The following NANP variants were observed in gnomAD, a reference collection of about 807,000 sequenced individuals.
The protein encoded by NANP is N-acetylneuraminic acid phosphatase.
Under a neutral mutation model 16.9 loss-of-function variants are expected in NANP, and 15 were observed. That is an observed-to-expected ratio of 0.89 (90% CI 0.59 to 1.37). The LOEUF (loss-of-function observed/expected upper bound fraction) is 1.37. NANP is among the 40% of genes most tolerant of loss of function. NANP has a pLI of 0.00. For synonymous variants in NANP, 135 were observed against 112.6 expected, an observed-to-expected ratio of 1.20 and a Z score of -1.26; for missense variants, 290 against 303.5, an observed-to-expected ratio of 0.96 and a Z score of 0.33.
chr20:25,623,509 G>A (rs1395728279), intron 1 of NANP, among the ~76,000 whole-genome samples: 1 of 152,216 alleles, frequency 6.6e-6, no homozygotes, highest in Non-Finnish European at 1.5e-5. Flanking sequence ...GACCGGGGGC[G>A]GGACCAGCGC....
In NANP at chr20:25,613,661, C is replaced by T; in HGVS notation, c.*2264G>A. The T allele has an allele frequency of 5.0e-6, 2 of 396,960 alleles. No individual in the cohort carries two copies. The highest frequency in any genetic ancestry group is 8.9e-6 in the Non-Finnish European group (2 of 225,570). 24.6% of individuals were successfully genotyped at this position (396,960 alleles called of 1,614,324 possible). A position where few individuals can be genotyped will look rare whatever the true frequency, so the allele number is the denominator to read the frequency against. ...AGGTAGATAACCACAAAGTTCTTCC[C>T]TAAGGAAGGGTGCAAATGGAATGTA... On this transcript the variant is annotated 3_prime_UTR_variant, in exon 2 of 2. Coordinates refer to ENST00000304788, the MANE Select transcript of NANP (RefSeq NM_152667.3).
intron 1 of NANP, among the ~76,000 whole-genome samples, chr20:25,620,419 C>T (rs1184590717): frequency 6.6e-6 from 1 of 152,180 alleles, no homozygotes; most frequent in Non-Finnish European, 1.5e-5. Flanking sequence ...TATTTTAAGG[C>T]TCTCTCTGAA....
In NANP at chr20:25,622,579, A is replaced by G. The variant is rs1469672620; in HGVS notation, c.90+1280T>C. On this transcript the variant is annotated intron_variant, in intron 1 of 1. Transcript: ENST00000304788. ...AGGACTCAGCTTACTAATAACACAC[A>G]GGTAAATATGTAACATCTGCAGCGA... is the stretch of plus-strand genomic sequence containing the variant. Among the ~76,000 whole-genome samples the G allele has an allele frequency of 6.6e-5, 10 of 152,216 alleles. No individual in the cohort carries two copies. In the East Asian group the frequency reaches 1.9e-3, roughly 29 times the overall value.
At chr20:25,619,134 T>G (rs573923656) in intron 1 of NANP, among the ~76,000 whole-genome samples, 4,450 of 151,272 alleles carry the variant, frequency 0.029, 86 homozygotes, top group South Asian at 0.058. Flanking sequence ...TTTTTTTTTT[T>G]TTTTTCCCCA....
At chr20:25,622,385 A>G (rs1249151793) in intron 1 of NANP, among the ~76,000 whole-genome samples, 3 of 152,240 alleles carry the variant, frequency 2.0e-5, no homozygotes, top group Admixed American at 6.5e-5. Flanking sequence ...GAGGACTAAT[A>G]TAATTCACAT....
rs1447164526 is a variant in NANP, at chr20:25,616,566, G to T, written c.106C>A (p.Gln36Lys). ...TCTTCTTTATAATGGTATTTTGATT[G>T]TAAGAGTTTTATCACCTAAATAATG... ...RGMLEVIKLL[Q>K]SKYHYKEEAE... The change falls in exon 2 of 2, where the codon CAA (glutamine) becomes AAA (lysine). Residue 36 changes from glutamine (Q) to lysine (K), a missense_variant. Gln to Lys is a moderately conservative substitution (Grantham distance 53, BLOSUM62 1). Transcript: ENST00000304788. 5 of 1,589,016 alleles carry T rather than the reference G, an allele frequency of 3.1e-6. No individual in the cohort carries two copies. In the South Asian group the frequency reaches 3.4e-5, roughly 11 times the overall value.
In NANP at chr20:25,620,668, G is replaced by A. The variant is rs1056825313; in HGVS notation, c.90+3191C>T. Among the ~76,000 whole-genome samples the A allele has an allele frequency of 2.0e-5, 3 of 152,186 alleles. No individual in the cohort carries two copies. In the East Asian group the frequency reaches 5.8e-4, roughly 29 times the overall value. Reference sequence around the variant, plus strand: ...ACTAACTTACGCACACCCTTAGAATGACCCTGTGGTCTATGAGGAATGTGT... The same window carrying A: ...ACTAACTTACGCACACCCTTAGAATAACCCTGTGGTCTATGAGGAATGTGT... On this transcript the variant is annotated intron_variant, in intron 1 of 1. Transcript: ENST00000304788.
chr20:25,621,547 C>G (rs1018169225), intron 1 of NANP, among the ~76,000 whole-genome samples: 32 of 152,230 alleles, frequency 2.1e-4, no homozygotes, highest in African/African-American at 7.7e-4. Context: ...CCCTCTTCCT[C>G]CATTCATAAA....
At chr20:25,618,878 C>T (rs955067709) in intron 1 of NANP, among the ~76,000 whole-genome samples, 11 of 152,054 alleles carry the variant, frequency 7.2e-5, no homozygotes, top group African/African-American at 2.4e-4. Context: ...ATCCTGGGAT[C>T]GCCTCAAGAA....
In NANP at chr20:25,615,935, A is replaced by G; in HGVS notation, c.737T>C (p.Met246Thr). 6.2e-7 allele frequency: 1 copy of G among 1,610,714 alleles called. No homozygotes were observed. Among genetic ancestry groups the G allele is most frequent in the East Asian group, 2.2e-5 (1 of 44,848 alleles). The change falls in exon 2 of 2, where the codon ATG (methionine) becomes ACG (threonine). Residue 246 changes from methionine (M) to threonine (T), a missense_variant. By Grantham distance (81) the Met-to-Thr change is moderately conservative. Coordinates refer to ENST00000304788, the MANE Select transcript of NANP (RefSeq NM_152667.3). ...GCCCTTTTATGTGCTTTAAGTGGAC[A>G]TACTGACTTTGCAGTCTATACTTTG... ...LLQSIDCKVSMST is the reference protein window; with the variant it reads ...LLQSIDCKVSTST
chr20:25,622,819 T>C (rs1020035959), intron 1 of NANP, among the ~76,000 whole-genome samples: 10 of 152,022 alleles, frequency 6.6e-5, no homozygotes, highest in Non-Finnish European at 8.8e-5. Flanking sequence ...AAATAGGAGG[T>C]AGAGACAAGG....
chr20:25,620,184 C>A (rs1296545029), intron 1 of NANP, among the ~76,000 whole-genome samples: 1 of 152,214 alleles, frequency 6.6e-6, no homozygotes, highest in Non-Finnish European at 1.5e-5. Context: ...CTAACACCTG[C>A]ACTGAAAATG....
At chr20:25,623,771 G>A in intron 1 of NANP, 88 bp downstream of exon 1, 1 of 1,278,648 alleles carries the variant, frequency 7.8e-7, no homozygotes, top group Non-Finnish European at 1.1e-6. Context: ...GCGCCGGGGT[G>A]GAAGTGGGGT....
intron 1 of NANP, among the ~76,000 whole-genome samples, chr20:25,622,433 G>C (rs1028907638): frequency 2.6e-5 from 4 of 152,192 alleles, no homozygotes; most frequent in African/African-American, 7.2e-5. Flanking sequence ...TTAATTCCTT[G>C]AGGCACTTTC....
In NANP at chr20:25,623,982, C is replaced by T; in HGVS notation, c.-34G>A. On this transcript the variant is annotated 5_prime_UTR_variant, in exon 1 of 2. An upstream open reading frame in the 5' UTR gains an earlier in-frame stop. Coordinates refer to ENST00000304788, the MANE Select transcript of NANP (RefSeq NM_152667.3). ...CCGCTGGCGCGAACCGTAGCCTTGC[C>T]ACCGCCGCCTGCGCATGCGCAAGGC... The T allele has an allele frequency of 6.2e-7, 1 of 1,603,350 alleles. No homozygotes were observed. Among genetic ancestry groups the T allele is most frequent in the African/African-American group, 1.3e-5 (1 of 74,622 alleles).
intron 1 of NANP, among the ~76,000 whole-genome samples, chr20:25,623,510 G>A (rs946571206): frequency 1.1e-4 from 17 of 152,214 alleles, no homozygotes; most frequent in Admixed American, 9.8e-4. Context: ...ACCGGGGGCG[G>A]GACCAGCGCC....
chr20:25,615,626 A>T lies in NANP; in HGVS notation c.*299T>A. 1 of 255,188 alleles carries T rather than the reference A, an allele frequency of 3.9e-6. No homozygotes were observed. Among genetic ancestry groups the T allele is most frequent in the African/African-American group, 2.2e-5 (1 of 45,100 alleles). The allele number at this position is 255,188 out of a possible 1,614,324, so 15.8% of individuals were successfully genotyped here. A position where few individuals can be genotyped will look rare whatever the true frequency, so the allele number is the denominator to read the frequency against. ...CAGCCAAGATACTAAAAGATTAATA[A>T]CATAATTTTAAAAAGCTCCAGATAC... On this transcript the variant is annotated 3_prime_UTR_variant, in exon 2 of 2. Coordinates refer to ENST00000304788, the MANE Select transcript of NANP (RefSeq NM_152667.3).
chr20:25,616,241 G>A lies in NANP; in HGVS notation c.431C>T (p.Ala144Val), dbSNP rs1186044817. Residue 144 changes from alanine to valine, a missense_variant, in exon 2 of 2, where the codon GCT (alanine) becomes GTT (valine). Transcript: ENST00000304788. ...GTCAAAATAGGACTGACAGGCACAA[G>A]CCTCAATCTTCTCCCTCTGGGTCTG... ...DRQTQREKIE[A>V]CACQSYFDAV... The A allele has an allele frequency of 1.2e-6, 2 of 1,614,048 alleles. No homozygotes were observed. The highest frequency in any genetic ancestry group is 1.7e-6 in the Non-Finnish European group (2 of 1,180,046).
intron 1 of NANP, among the ~76,000 whole-genome samples, chr20:25,620,312 A>G (rs561090642): frequency 4.9e-4 from 74 of 152,286 alleles, no homozygotes; most frequent in African/African-American, 1.5e-3. Context: ...AGAGCCCACA[A>G]GGTGCTCGCT....
Sources: allele counts gnomAD v4.1 joint callset (sites outside exome capture counted in the v4.1 genomes callset), GRCh38; gene constraint gnomAD v4.1.1; transcripts MANE v1.5; gene names NCBI Gene and HGNC (gene_info 2026-07-23, HGNC 2026-07-21).